The following WDPCP variants were observed in gnomAD, a reference collection of about 807,000 sequenced individuals.
WDPCP encodes WD repeat-containing and planar cell polarity effector protein fritz homolog.
A neutral mutation model predicts 93.1 loss-of-function variants in WDPCP; 71 were observed. That is an observed-to-expected ratio of 0.76 (90% CI 0.63 to 0.93). The LOEUF (loss-of-function observed/expected upper bound fraction) is 0.93. Among genes scored for constraint, WDPCP ranks in the 40% least tolerant of loss-of-function variants. The pLI is 0.00. For synonymous variants in WDPCP, 315 were observed against 315.0 expected (o/e 1.00, Z 0.00); for missense variants, 844 against 887.4 (o/e 0.95, Z 0.62).
chr2:63,217,021 T>TAA (rs572707734), intron 14 of WDPCP, among the ~76,000 whole-genome samples: 284 of 152,348 alleles, frequency 1.9e-3, no homozygotes, highest in African/African-American at 6.4e-3. Context: ...ACCTCAGTGA[T>TAA]ACGTTTTTCC....
At chr2:63,133,977 C>T (rs1670453633) in intron 17 of WDPCP, among the ~76,000 whole-genome samples, 1 of 152,128 alleles carries the variant, frequency 6.6e-6, no homozygotes. Context: ...GTTATTTAGT[C>T]ACTGTATAGT....
the WDPCP span, among the ~76,000 whole-genome samples, chr2:63,836,388 T>C: frequency 6.6e-6 from 1 of 152,074 alleles, no homozygotes; most frequent in Non-Finnish European, 1.5e-5. Context: ...GCAGAAAAAA[T>C]AGAATTAAAC....
In WDPCP at chr2:63,648,467, G is replaced by A. The variant is rs559389004; in HGVS notation, n.488+2192C>T. On this transcript the variant is annotated intron_variant and non_coding_transcript_variant, in intron 3 of 4. Transcript: ENST00000467687. Reference sequence around the variant, plus strand: ...AATGAGTTGGGAAATGTATAGTTGTGTAATTATTACCACCACAATCAAGGT... The same window carrying A: ...AATGAGTTGGGAAATGTATAGTTGTATAATTATTACCACCACAATCAAGGT... Among the ~76,000 whole-genome samples the A allele has an allele frequency of 4.6e-5, 7 of 152,256 alleles. 1 individual carries two copies. The South Asian group carries it at 1.4e-3, about 32-fold the overall frequency.
At chr2:63,671,414 G>C (rs565774568) in intron 2 of WDPCP, among the ~76,000 whole-genome samples, 5 of 152,184 alleles carry the variant, frequency 3.3e-5, no homozygotes, top group Non-Finnish European at 7.3e-5. Context: ...AACTCCAGCA[G>C]TGTAGGATGC....
intron 2 of WDPCP, among the ~76,000 whole-genome samples, chr2:63,794,416 G>C (rs1670587189): frequency 6.6e-6 from 1 of 152,166 alleles, no homozygotes. Flanking sequence ...AAGGCTGACT[G>C]ACTTAGGAAC....
intron 15 of WDPCP, among the ~76,000 whole-genome samples, chr2:63,171,486 T>C (rs1673386326): frequency 1.3e-5 from 2 of 152,284 alleles, no homozygotes; most frequent in South Asian, 4.1e-4. Context: ...TTAGATACCA[T>C]TCTTCACCCA....
At chr2:63,135,460 G>A (rs62180311) in intron 17 of WDPCP, among the ~76,000 whole-genome samples, 2 of 150,770 alleles carry the variant, frequency 1.3e-5, no homozygotes, top group African/African-American at 2.4e-5. Context: ...GCCTTCCGAG[G>A]AGCTGGGATT....
intron 15 of WDPCP, among the ~76,000 whole-genome samples, chr2:63,159,084 A>G (rs1672473416): frequency 6.9e-6 from 1 of 144,682 alleles, no homozygotes; most frequent in Non-Finnish European, 1.5e-5. Flanking sequence ...TGAGCCCAGG[A>G]GGTTAAGGCT....
At chr2:63,278,762 C>T (rs1384464811) in intron 13 of WDPCP, among the ~76,000 whole-genome samples, 1 of 152,110 alleles carries the variant, frequency 6.6e-6, no homozygotes, top group Non-Finnish European at 1.5e-5. Context: ...GGAGGCAGAG[C>T]TTGCAGTGAG....
chr2:63,246,844 G>C (rs576493120), intron 14 of WDPCP, among the ~76,000 whole-genome samples: 6 of 152,144 alleles, frequency 3.9e-5, no homozygotes, highest in South Asian at 2.1e-4. Context: ...CATCACTAAT[G>C]AGCATCCAGT....
At chr2:63,156,397 T>C (rs1440340384) in intron 15 of WDPCP, among the ~76,000 whole-genome samples, 1 of 152,206 alleles carries the variant, frequency 6.6e-6, no homozygotes. Context: ...GCTACTGTAA[T>C]TTAAAAAGCT....
chr2:63,125,811 G>A (rs1195510248), intron 17 of WDPCP, among the ~76,000 whole-genome samples: 3 of 151,946 alleles, frequency 2.0e-5, no homozygotes, highest in African/African-American at 4.8e-5. Context: ...GGGTTTTCCC[G>A]TGTTGGCCGG....
At chr2:63,641,344 T>A (rs1709978233) in intron 3 of WDPCP, among the ~76,000 whole-genome samples, 1 of 152,118 alleles carries the variant, frequency 6.6e-6, no homozygotes, top group East Asian at 1.9e-4. Flanking sequence ...CAGCTCTATA[T>A]TTAGATGTTT....
At chr2:63,684,369 A>C (rs962204463) in intron 2 of WDPCP, 6 of 714,432 alleles carry the variant, frequency 8.4e-6, no homozygotes, top group Non-Finnish European at 1.5e-5. Context: ...CTCTGGACGC[A>C]AAGCCATCAT....
intron 2 of WDPCP, among the ~76,000 whole-genome samples, chr2:63,670,227 T>A (rs944521656): frequency 6.6e-6 from 1 of 152,166 alleles, no homozygotes; most frequent in African/African-American, 2.4e-5. Flanking sequence ...TCTTTCAAGG[T>A]GCCAGGCTTT....
At chr2:63,479,605 T>C (rs1425236953) in intron 6 of WDPCP, among the ~76,000 whole-genome samples, 7 of 152,100 alleles carry the variant, frequency 4.6e-5, no homozygotes, top group African/African-American at 1.7e-4. Flanking sequence ...TCTCAATAGA[T>C]GCAGAAAAAG....
rs374977659 is a variant in WDPCP at position 63,282,229 on chromosome 2, G to A, written c.1813-22820C>T. On this transcript the variant is annotated intron_variant, in intron 13 of 17. Coordinates refer to ENST00000272321, the MANE Select transcript of WDPCP (RefSeq NM_015910.7). ...CTGGTATAAAAACAGACATGGGCTC[G>A]GGCGCAGTGGCTCACGCCTGTAATC... Among the ~76,000 whole-genome samples, 79 of 152,218 alleles carry A rather than the reference G, an allele frequency of 5.2e-4. 3 individuals are homozygous for A. In the South Asian group the frequency reaches 0.016, roughly 31 times the overall value.
chr2:63,321,504 T>A (rs537468087), intron 12 of WDPCP, among the ~76,000 whole-genome samples: 26 of 152,226 alleles, frequency 1.7e-4, no homozygotes, highest in Non-Finnish European at 3.4e-4. Flanking sequence ...CATCTTAGAC[T>A]GAAAATGTTA....
At chr2:63,412,510 G>C (rs1283576062) in intron 9 of WDPCP, among the ~76,000 whole-genome samples, 1 of 152,054 alleles carries the variant, frequency 6.6e-6, no homozygotes, top group Non-Finnish European at 1.5e-5. Context: ...CTTCAACACA[G>C]TACTAGAAGT....
Sources: gnomAD v4.1 joint callset for allele counts (sites outside exome capture counted in the v4.1 genomes callset) on GRCh38, gnomAD v4.1.1 for gene constraint, MANE v1.5 for transcripts, NCBI Gene and HGNC (gene_info 2026-07-23, HGNC 2026-07-21) for gene names.